Variants in SEC22C observed in about 807,000 individuals in gnomAD.
The protein encoded by SEC22C is vesicle-trafficking protein SEC22c.
In SEC22C, 29 loss-of-function variants were observed where a neutral mutation model predicts 34.7. The ratio of observed to expected loss-of-function variants is 0.84; its 90% CI spans 0.62 to 1.14. The LOEUF is 1.14. Ranked by LOEUF, SEC22C falls within the 50% of genes most tolerant of loss-of-function variation. The pLI, the probability that SEC22C is intolerant of heterozygous loss-of-function variation, is 0.00. For missense variants in SEC22C, 337 were observed against 369.0 expected (o/e 0.91, Z 0.71); for synonymous variants, 117 against 132.8 (o/e 0.88, Z 0.82).
At chr3:42,578,539 T>TACACACACCTAC (rs151193446) in intron 1 of SEC22C, among the ~76,000 whole-genome samples, 61 of 146,672 alleles carry the variant, frequency 4.2e-4, no homozygotes, top group Admixed American at 2.3e-3. Flanking sequence ...GTGACAGTAC[T>TACACACACCTAC]ACACACACAC....
At chr3:42,593,410 C>T (rs969678222) in intron 1 of SEC22C, among the ~76,000 whole-genome samples, 1 of 152,130 alleles carries the variant, frequency 6.6e-6, no homozygotes, top group African/African-American at 2.4e-5. Context: ...GAGCAAGACT[C>T]CGTCTCAATA....
rs78297236 is a variant in SEC22C, at chr3:42,549,963, G to A, written c.*3285C>T. ...CTGGTACTGAGAGGGAATGCCACCCGAATATGCCCCAGCTGTCTCCACCCA... is the reference window on the plus strand; with the variant it reads ...CTGGTACTGAGAGGGAATGCCACCCAAATATGCCCCAGCTGTCTCCACCCA... On this transcript the variant is annotated 3_prime_UTR_variant, in exon 7 of 7. Transcript: ENST00000264454. 0.017 allele frequency: 17,149 copies of A among 985,394 alleles called. 200 individuals are homozygous for A. Among genetic ancestry groups the A allele is most frequent in the South Asian group, 0.05 (1,074 of 21,286 alleles). 61.0% of individuals were successfully genotyped at this position (985,394 alleles called of 1,614,324 possible).
chr3:42,558,469 C>T (rs931843638), intron 4 of SEC22C, among the ~76,000 whole-genome samples: 31 of 133,764 alleles, frequency 2.3e-4, no homozygotes, highest in Admixed American at 8.7e-4. Flanking sequence ...GCCTAGGCAA[C>T]ATAGCGACCT....
At chr3:42,564,060 G>A in intron 2 of SEC22C, 1 of 690,882 alleles carries the variant, frequency 1.4e-6, no homozygotes, top group South Asian at 1.9e-5. Flanking sequence ...CCTAAAATAA[G>A]CCCTTGTTGG....
chr3:42,554,885 A>G (rs1702434021), intron 6 of SEC22C, among the ~76,000 whole-genome samples: 1 of 152,126 alleles, frequency 6.6e-6, no homozygotes, highest in Non-Finnish European at 1.5e-5. Context: ...AGCTTATATG[A>G]AAATAACTAA....
At chr3:42,563,720 A>G (rs778873243) in intron 2 of SEC22C, 34 bp from the exon 3 acceptor site, 24 of 1,612,626 alleles carry the variant, frequency 1.5e-5, no homozygotes, top group Admixed American at 5.0e-5. Flanking sequence ...TATTACCAGG[A>G]AACAGCCCCA....
Position 42,591,530 on chromosome 3 carries a change from TGAG to T in SEC22C, c.-28+9427_-28+9429del, listed in dbSNP as rs1340384895. ...TTCTTTCTCTGATCTTTCAGCTCCT[TGAG>T]GAGAATGACCAGCTGATCCGCTGTA... On this transcript the variant is annotated intron_variant, in intron 1 of 6. Coordinates refer to the SEC22C transcript ENST00000417572. The T allele has an allele frequency of 3.1e-6, 5 of 1,612,978 alleles. No individual in the cohort carries two copies. In the African/African-American group the frequency reaches 6.7e-5, roughly 22 times the overall value.
At chr3:42,562,221 C>T (rs1241534484) in intron 3 of SEC22C, among the ~76,000 whole-genome samples, 1 of 152,190 alleles carries the variant, frequency 6.6e-6, no homozygotes, top group Non-Finnish European at 1.5e-5. Flanking sequence ...AATGAGCAAA[C>T]ATGATGCTGG....
chr3:42,569,586 G>A (rs544154693), intron 1 of SEC22C, among the ~76,000 whole-genome samples: 60 of 152,306 alleles, frequency 3.9e-4, no homozygotes, highest in Middle Eastern at 6.8e-3. Flanking sequence ...GAGAGATTCT[G>A]AGCATCTAAC....
At position 42,551,493 on chromosome 3, in the gene SEC22C, C is replaced by T. The variant is rs1283461456; in HGVS notation, c.*1755G>A. On this transcript the variant is annotated 3_prime_UTR_variant, in exon 7 of 7. Transcript: ENST00000264454. ...AAGTGCTGGGATTACAGGCATGTGCCATCACATCCGGCTAATTTTTTTTTT... is the reference window on the plus strand; with the variant it reads ...AAGTGCTGGGATTACAGGCATGTGCTATCACATCCGGCTAATTTTTTTTTT... 17 of 486,696 alleles carry T rather than the reference C, an allele frequency of 3.5e-5. No individual in the cohort carries two copies. The highest frequency in any genetic ancestry group is 4.3e-5 in the Non-Finnish European group (16 of 374,466). 30.1% of individuals were successfully genotyped at this position (486,696 alleles called of 1,614,324 possible). A position where few individuals can be genotyped will look rare whatever the true frequency, so the allele number is the denominator to read the frequency against.
chr3:42,549,416 A>G lies in SEC22C; in HGVS notation c.*3832T>C. On this transcript the variant is annotated 3_prime_UTR_variant, in exon 7 of 7. Coordinates refer to ENST00000264454, the MANE Select transcript of SEC22C (RefSeq NM_032970.4). ...ACAAGGTGCAGTGTGCAACCCCCAT[A>G]TGCCAAGGGGCAGCTGCTATCTTCC... The G allele has an allele frequency of 1.0e-6, 1 of 985,602 alleles. No individual in the cohort carries two copies. Among genetic ancestry groups the G allele is most frequent in the Non-Finnish European group, 1.2e-6 (1 of 830,070 alleles). 61.1% of individuals were successfully genotyped at this position (985,602 alleles called of 1,614,324 possible). A position where few individuals can be genotyped will look rare whatever the true frequency, so the allele number is the denominator to read the frequency against.
At chr3:42,600,593 T>G in intron 1 of SEC22C, 1 of 152,868 alleles carries the variant, frequency 6.5e-6, no homozygotes. Flanking sequence ...CCACCTTCGG[T>G]TGACCACCCC....
chr3:42,600,935 C>T (rs1352945989), intron 1 of SEC22C: 22 of 1,216,940 alleles, frequency 1.8e-5, no homozygotes, highest in East Asian at 3.1e-5. Context: ...CCTGCCCTCG[C>T]CCCCGCCCTC....
At chr3:42,570,841 C>A (rs886672482) in intron 1 of SEC22C, among the ~76,000 whole-genome samples, 2 of 152,154 alleles carry the variant, frequency 1.3e-5, no homozygotes, top group Admixed American at 6.5e-5. Context: ...CCCTGACAGA[C>A]ATAGGGAAAG....
At chr3:42,566,959 C>G (rs947993140) in intron 2 of SEC22C, 1 of 187,516 alleles carries the variant, frequency 5.3e-6, no homozygotes, top group Non-Finnish European at 1.2e-5. Context: ...GTTCCAGCTA[C>G]TTTGGAGGCT....
intron 1 of SEC22C, among the ~76,000 whole-genome samples, chr3:42,573,858 C>A (rs1703793920): frequency 6.6e-6 from 1 of 152,054 alleles, no homozygotes; most frequent in Non-Finnish European, 1.5e-5. Flanking sequence ...ACCTGTGAGA[C>A]TCTAAAAAAT....
At chr3:42,598,322 A>G (rs1460674284) in intron 1 of SEC22C, among the ~76,000 whole-genome samples, 1 of 151,152 alleles carries the variant, frequency 6.6e-6, no homozygotes, top group African/African-American at 2.4e-5. Flanking sequence ...CTACAAAAGA[A>G]CAAATTTTTT....
rs898315378 is a variant in SEC22C at position 42,591,358 on chromosome 3, C to G, written c.-28+9602G>C. 3.0e-5 allele frequency: 18 copies of G among 607,306 alleles called. No individual in the cohort carries two copies. The African/African-American group carries it at 3.1e-4, about 11-fold the overall frequency. 37.6% of individuals were successfully genotyped at this position (607,306 alleles called of 1,614,324 possible). A position where few individuals can be genotyped will look rare whatever the true frequency, so the allele number is the denominator to read the frequency against. On this transcript the variant is annotated intron_variant, in intron 1 of 6. Transcript: ENST00000417572. ...GGATTACAGGAGCGCGACGCCACTCCCGGCTAATTTTTGTATTTTTAGTAT... is the reference window on the plus strand; with the variant it reads ...GGATTACAGGAGCGCGACGCCACTCGCGGCTAATTTTTGTATTTTTAGTAT...
At chr3:42,565,104 G>C (rs554733935) in intron 2 of SEC22C, among the ~76,000 whole-genome samples, 16 of 152,236 alleles carry the variant, frequency 1.1e-4, no homozygotes, top group Admixed American at 1.0e-3. Flanking sequence ...CCCAAACCAA[G>C]CTCCAATTTT....
Sources: allele counts gnomAD v4.1 joint callset (sites outside exome capture counted in the v4.1 genomes callset), GRCh38; gene constraint gnomAD v4.1.1; transcripts MANE v1.5; gene names NCBI Gene and HGNC (gene_info 2026-07-23, HGNC 2026-07-21).